Variants in SS18L1 observed in about 807,000 individuals in gnomAD.
The protein encoded by SS18L1 is calcium-responsive transactivator.
In SS18L1, 32 loss-of-function variants were observed where a neutral mutation model predicts 70.3. The ratio of observed to expected loss-of-function variants is 0.46; its 90% CI spans 0.34 to 0.61. The LOEUF (loss-of-function observed/expected upper bound fraction) is 0.61. Ranked by LOEUF, SS18L1 falls within the 20% of genes least tolerant of loss-of-function variation. The pLI, the probability that SS18L1 is intolerant of heterozygous loss-of-function variation, is 0.01. For synonymous variants in SS18L1, 237 were observed against 229.7 expected (o/e 1.03, Z -0.29); for missense variants, 430 against 542.1 (o/e 0.79, Z 2.05).
At position 62,161,699 on chromosome 20, in the gene SS18L1, C is replaced by T. The variant is rs2057333491; in HGVS notation, c.376+119C>T. The T allele has an allele frequency of 6.4e-6, 9 of 1,401,622 alleles. No individual in the cohort carries two copies. Among genetic ancestry groups the T allele is most frequent in the Middle Eastern group, 2.6e-4 (1 of 3,880 alleles). The allele number at this position is 1,401,622 out of a possible 1,614,324, so 86.8% of individuals were successfully genotyped here. A position where few individuals can be genotyped will look rare whatever the true frequency, so the allele number is the denominator to read the frequency against. On this transcript the variant is annotated intron_variant, in intron 4 of 10. Coordinates refer to ENST00000331758, the MANE Select transcript of SS18L1 (RefSeq NM_198935.3). The surrounding 1 kb of genome is among the most constrained non-coding windows in gnomAD (Gnocchi z 4.4). ...CACAGGGCTGGGCATGGGACCCACTCCTCCTGGGGTAGCCACAGGTCGGCT... is the reference window on the plus strand; with the variant it reads ...CACAGGGCTGGGCATGGGACCCACTTCTCCTGGGGTAGCCACAGGTCGGCT...
chr20:62,164,174 G>A lies in SS18L1; in HGVS notation c.751G>A (p.Glu251Lys). 1 of 1,550,110 alleles carries A rather than the reference G, an allele frequency of 6.5e-7. No homozygotes were observed. Among genetic ancestry groups the A allele is most frequent in the Non-Finnish European group, 8.7e-7 (1 of 1,146,674 alleles). Residue 251 changes from glutamate to lysine, a missense_variant, in exon 7 of 11, where the codon GAG becomes AAG. Transcript: ENST00000331758. ...GSSQQYLGQE[E>K]YYGEQYSHSQ... ...TTCCCAGCAGTACCTGGGCCAGGAG[G>A]AGTACTATGGCGAGCAGTACAGCCA...
intron 7 of SS18L1, 62 bp downstream of exon 7, chr20:62,164,308 G>T: frequency 7.2e-7 from 1 of 1,389,708 alleles, no homozygotes; most frequent in Non-Finnish European, 9.8e-7. Flanking sequence ...GGGCAAGGAG[G>T]GCAAGGAGGG....
intron 8 of SS18L1, among the ~76,000 whole-genome samples, chr20:62,168,272 G>A (rs2057470576): frequency 6.6e-6 from 1 of 152,142 alleles, no homozygotes; most frequent in Non-Finnish European, 1.5e-5. Context: ...TATTCCATCT[G>A]TTTGTTAGAC....
intron 1 of SS18L1, among the ~76,000 whole-genome samples, chr20:62,153,859 T>C (rs548809728): frequency 6.6e-6 from 1 of 152,230 alleles, no homozygotes; most frequent in East Asian, 1.9e-4. Flanking sequence ...GCGCATCATT[T>C]TATGGCCTCC....
At chr20:62,153,199 C>A (rs569802306) in intron 1 of SS18L1, among the ~76,000 whole-genome samples, 14 of 152,202 alleles carry the variant, frequency 9.2e-5, no homozygotes, top group Non-Finnish European at 2.1e-4. Flanking sequence ...CAGACTCACT[C>A]ACCATCACAA....
chr20:62,152,894 G>A (rs982893985), intron 1 of SS18L1, among the ~76,000 whole-genome samples: 2 of 152,208 alleles, frequency 1.3e-5, no homozygotes, highest in South Asian at 4.1e-4. Flanking sequence ...TCCTGTCAGG[G>A]TCTTTTGCTT....
Position 62,143,804 on chromosome 20 carries a change from A to T in SS18L1, c.-17A>T. ...TATCCACCTCGATGACCACGGGCTGAGCCCCGCGCCGCCACCATGTCCGTG... is the reference window on the plus strand; with the variant it reads ...TATCCACCTCGATGACCACGGGCTGTGCCCCGCGCCGCCACCATGTCCGTG... On this transcript the variant is annotated 5_prime_UTR_variant, in exon 1 of 11. It removes the in-frame stop codon of an upstream open reading frame in the 5' UTR. Transcript: ENST00000331758. 1 of 1,343,654 alleles carries T rather than the reference A, an allele frequency of 7.4e-7. No individual in the cohort carries two copies. 83.2% of individuals were successfully genotyped at this position (1,343,654 alleles called of 1,614,324 possible).
intron 8 of SS18L1, among the ~76,000 whole-genome samples, chr20:62,172,085 C>T (rs540008518): frequency 7.3e-5 from 11 of 151,598 alleles, no homozygotes; most frequent in Admixed American, 5.2e-4. Flanking sequence ...TGGCGTGAAC[C>T]CGGGTGGGGC....
In SS18L1 at chr20:62,158,835, G is replaced by A. The variant is rs1257711852; in HGVS notation, c.146+87G>A. ...CCAGATACGTCCCAAGAGTCCCCCAGCACAGAGATCAGATAAGTCCCAGGA... is the reference window on the plus strand; with the variant it reads ...CCAGATACGTCCCAAGAGTCCCCCAACACAGAGATCAGATAAGTCCCAGGA... On this transcript the variant is annotated intron_variant, in intron 2 of 10. Transcript: ENST00000331758. This position sits in a 1 kb window ranked among gnomAD's most constrained non-coding sequence, Gnocchi z 4.5. 6.2e-7 allele frequency: 1 copy of A among 1,611,360 alleles called. No individual in the cohort carries two copies. The highest frequency in any genetic ancestry group is 2.2e-5 in the East Asian group (1 of 44,804).
At position 62,159,876 on chromosome 20, in the gene SS18L1, G is replaced by A; in HGVS notation, c.147-1G>A. ...CCTCATGCGTGCCCCCTCTCCTGCA[G>A]GTACCAGCAGATCCTGCACCGGAAC... On this transcript the variant is annotated splice_acceptor_variant, in intron 2 of 10. Transcript: ENST00000331758. LOFTEE classifies it high-confidence loss of function. This position sits in a 1 kb window ranked among gnomAD's most constrained non-coding sequence, Gnocchi z 4.4. The A allele has an allele frequency of 6.2e-7, 1 of 1,612,338 alleles. No individual in the cohort carries two copies. Among genetic ancestry groups the A allele is most frequent in the Non-Finnish European group, 8.5e-7 (1 of 1,179,802 alleles).
chr20:62,144,926 C>T (rs1215443657), intron 1 of SS18L1, among the ~76,000 whole-genome samples: 1 of 152,212 alleles, frequency 6.6e-6, no homozygotes, highest in African/African-American at 2.4e-5. Context: ...GCTTGTCTCC[C>T]TAAGGGGGTT....
intron 8 of SS18L1, among the ~76,000 whole-genome samples, chr20:62,172,464 T>C (rs1361002346): frequency 2.0e-5 from 3 of 152,380 alleles, no homozygotes; most frequent in African/African-American, 7.2e-5. Context: ...ATCTCTGTCT[T>C]AGTTGTCATA....
intron 1 of SS18L1, among the ~76,000 whole-genome samples, chr20:62,153,113 T>C (rs574367254): frequency 2.6e-5 from 4 of 152,268 alleles, no homozygotes; most frequent in African/African-American, 9.6e-5. Flanking sequence ...GCAAGGCACC[T>C]TCTTCACAAG....
chr20:62,164,057 C>A, intron 6 of SS18L1, 88 bp from the exon 7 acceptor site: 1 of 1,228,878 alleles, frequency 8.1e-7, no homozygotes, highest in Non-Finnish European at 1.1e-6. Flanking sequence ...GGCCATTCAG[C>A]AAGGCCTTGG....
intron 4 of SS18L1, chr20:62,162,543 AT>A: frequency 1.9e-6 from 1 of 534,272 alleles, no homozygotes; most frequent in Non-Finnish European, 3.2e-6. Context: ...ACTTCAGGTG[AT>A]CCACCCACCT....
chr20:62,145,072 A>G (rs1243330131), intron 1 of SS18L1, among the ~76,000 whole-genome samples: 2 of 152,276 alleles, frequency 1.3e-5, no homozygotes, highest in East Asian at 3.8e-4. Flanking sequence ...TTAACAAATG[A>G]GAACCTTGGC....
rs2057267818 is a variant in SS18L1 at position 62,158,695 on chromosome 20, G to A, written c.93G>A (p.Leu31=). Residue 31 remains leucine, a synonymous_variant, in exon 2 of 11, where the codon CTG becomes CTA. Transcript: ENST00000331758. This position sits in a 1 kb window ranked among gnomAD's most constrained non-coding sequence, Gnocchi z 4.5. ...IQKMLDENHH[L]IQCILEYQSK... is the part of the protein sequence containing the mutation. Reference sequence around the variant, plus strand: ...AGATGCTGGACGAGAACCACCACCTGATCCAGTGCATCCTGGAGTACCAGA... The same window carrying A: ...AGATGCTGGACGAGAACCACCACCTAATCCAGTGCATCCTGGAGTACCAGA... 2 of 1,612,656 alleles carry A rather than the reference G, an allele frequency of 1.2e-6. No homozygotes were observed. The highest frequency in any genetic ancestry group is 1.7e-5 in the Admixed American group (1 of 60,000).
At chr20:62,165,260 G>A (rs567135904) in intron 7 of SS18L1, among the ~76,000 whole-genome samples, 162 bp from the exon 8 acceptor site, 50 of 152,328 alleles carry the variant, frequency 3.3e-4, no homozygotes, top group African/African-American at 1.2e-3. Context: ...GGGAGGCCGA[G>A]GCTCAGGAGG....
intron 1 of SS18L1, among the ~76,000 whole-genome samples, chr20:62,152,465 G>A (rs910379894): frequency 5.9e-5 from 9 of 152,168 alleles, no homozygotes; most frequent in African/African-American, 1.7e-4. Context: ...GTGCTTTCCC[G>A]GTGGCGTCTC....
Sources: allele counts gnomAD v4.1 joint callset (sites outside exome capture counted in the v4.1 genomes callset), GRCh38; gene constraint gnomAD v4.1.1; non-coding constraint Gnocchi (gnomAD v3.1); transcripts MANE v1.5; gene names NCBI Gene and HGNC (gene_info 2026-07-23, HGNC 2026-07-21).